Variants in RNF38 observed in about 807,000 individuals in gnomAD.
RNF38 encodes ring finger protein 38.
Under a neutral mutation model 67.2 loss-of-function variants are expected in RNF38, and 15 were observed. The ratio of observed to expected loss-of-function variants is 0.22; its 90% CI spans 0.15 to 0.34. The LOEUF (loss-of-function observed/expected upper bound fraction) is 0.34. Among genes scored for constraint, RNF38 ranks in the 10% least tolerant of loss-of-function variants. The pLI is 1.00. For missense variants in RNF38, 524 were observed against 639.9 expected (o/e 0.82, Z 1.95); for synonymous variants, 220 against 218.8 (o/e 1.01, Z -0.05).
chr9:36,451,236 G>T (rs1839430881), intron 1 of RNF38, among the ~76,000 whole-genome samples: 2 of 152,052 alleles, frequency 1.3e-5, no homozygotes, highest in African/African-American at 4.8e-5. Context: ...GGCCGAGGCA[G>T]GAGGATCACT....
upstream of RNF38, among the ~76,000 whole-genome samples, chr9:36,404,915 G>GT (rs35610341): frequency 0.57 from 86,252 of 150,580 alleles, 25,167 homozygotes; most frequent in Non-Finnish European, 0.65. Context: ...TTGTAGTTTT[G>GT]TTTTTTTTTA....
At chr9:36,364,186 A>C (rs1049165257) in intron 4 of RNF38, among the ~76,000 whole-genome samples, 1 of 152,074 alleles carries the variant, frequency 6.6e-6, no homozygotes, top group Admixed American at 6.6e-5. Flanking sequence ...CAGAGACAGC[A>C]AAACCAACTC....
chr9:36,350,835 T>C (rs1472314215), intron 9 of RNF38, among the ~76,000 whole-genome samples: 2 of 152,356 alleles, frequency 1.3e-5, no homozygotes, highest in East Asian at 3.9e-4. Context: ...ATCAAGCTTG[T>C]TGAACACATG....
At chr9:36,355,111 C>T (rs1236614575) in intron 6 of RNF38, among the ~76,000 whole-genome samples, 2 of 152,198 alleles carry the variant, frequency 1.3e-5, no homozygotes, top group Non-Finnish European at 2.9e-5. Context: ...GCAATTCTAC[C>T]TCTTCTGATG....
rs1838595811 is a variant in RNF38, at chr9:36,420,532, C to CCAAAAAAAAAAAA, written n.312+4080_312+4081insTTTTTTTTTTTTG. On this transcript the variant is annotated intron_variant and non_coding_transcript_variant, in intron 2 of 3. Coordinates refer to the RNF38 transcript ENST00000488058. ...GGGCAACAGAGCAAGACTCTGTCTC[C>CCAAAAAAAAAAAA]AAAAAAAAAAAAAAAGAGGACAACC... Among the ~76,000 whole-genome samples the CCAAAAAAAAAAAA allele has an allele frequency of 2.7e-5, 2 of 73,408 alleles. 1 individual carries two copies. Among genetic ancestry groups the CCAAAAAAAAAAAA allele is most frequent in the Non-Finnish European group, 6.4e-5 (2 of 31,196 alleles). 48.2% of individuals were successfully genotyped at this position (73,408 alleles called of 152,430 possible).
intron 1 of RNF38, among the ~76,000 whole-genome samples, chr9:36,460,833 G>C (rs1373474088): frequency 6.9e-6 from 1 of 145,428 alleles, no homozygotes. Context: ...GTTGCAGCGA[G>C]CCGAGATTGC....
intron 3 of RNF38, among the ~76,000 whole-genome samples, chr9:36,374,174 G>A (rs988354530): frequency 6.6e-6 from 1 of 152,138 alleles, no homozygotes; most frequent in Non-Finnish European, 1.5e-5. Context: ...TGGTTAATAA[G>A]GTACTGGGTA....
At chr9:36,344,749 C>T in intron 10 of RNF38, 83 bp downstream of exon 10, 1 of 1,388,226 alleles carries the variant, frequency 7.2e-7, no homozygotes, top group Non-Finnish European at 9.9e-7. Context: ...CCTCTCCCAA[C>T]TTTTACCTTA....
intron 1 of RNF38, among the ~76,000 whole-genome samples, chr9:36,452,859 T>C (rs1839489989): frequency 6.6e-6 from 1 of 152,200 alleles, no homozygotes; most frequent in Non-Finnish European, 1.5e-5. Flanking sequence ...TTATGAATAA[T>C]ATGCCATTGT....
rs370010971 is a variant in RNF38 at position 36,457,921 on chromosome 9, T to G, written n.241+29387A>C. On this transcript the variant is annotated intron_variant and non_coding_transcript_variant, in intron 1 of 3. Coordinates refer to the RNF38 transcript ENST00000488058. ...CTGTACACAAAATTCAGAATGTATG[T>G]GCATTTGTGCATGTGTTAGGTTGAG... Among the ~76,000 whole-genome samples, 113 of 152,312 alleles carry G rather than the reference T, an allele frequency of 7.4e-4. 2 individuals carry two copies. In the South Asian group the frequency reaches 0.022, roughly 30 times the overall value.
chr9:36,469,029 T>C (rs1839932111), intron 1 of RNF38, among the ~76,000 whole-genome samples: 1 of 152,084 alleles, frequency 6.6e-6, no homozygotes, highest in Non-Finnish European at 1.5e-5. Flanking sequence ...GAAGAATTGC[T>C]TGAACCCAGG....
intron 1 of RNF38, among the ~76,000 whole-genome samples, chr9:36,485,311 T>TATATATATATATATATATATAC (rs960400403): frequency 6.6e-6 from 1 of 151,970 alleles, no homozygotes; most frequent in African/African-American, 2.4e-5. Context: ...AGGGTATATA[T>TATATATATATATATATATATAC]ACACACACAC....
chr9:36,408,226 G>C (rs1259506041), intron 2 of RNF38, among the ~76,000 whole-genome samples: 1 of 151,436 alleles, frequency 6.6e-6, no homozygotes, highest in Non-Finnish European at 1.5e-5. Flanking sequence ...TCAGTGCTGA[G>C]TAGCTGGGAC....
intron 1 of RNF38, among the ~76,000 whole-genome samples, chr9:36,458,863 A>G (rs759429714): frequency 6.6e-6 from 1 of 152,164 alleles, no homozygotes; most frequent in Non-Finnish European, 1.5e-5. Context: ...TGACCAACAT[A>G]TCGCCACATT....
intron 1 of RNF38, among the ~76,000 whole-genome samples, chr9:36,391,314 A>G (rs1837063675): frequency 6.6e-6 from 1 of 152,168 alleles, no homozygotes. Context: ...AAATTAAAAA[A>G]CAAAAATAAA....
intron 8 of RNF38, 99 bp from the exon 9 acceptor site, chr9:36,351,298 GGTTAGT>G (rs757310508): frequency 3.5e-5 from 26 of 736,460 alleles, no homozygotes; most frequent in African/African-American, 1.6e-4. Context: ...GATGAAGAAT[GGTTAGT>G]GTTAATCTGA....
At chr9:36,452,034 T>C (rs1341420223) in intron 1 of RNF38, among the ~76,000 whole-genome samples, 1 of 151,876 alleles carries the variant, frequency 6.6e-6, no homozygotes, top group Non-Finnish European at 1.5e-5. Flanking sequence ...CTGGGCCACA[T>C]AGTGAGATCC....
chr9:36,451,806 A>AT (rs1223938899), intron 1 of RNF38, among the ~76,000 whole-genome samples: 3 of 151,708 alleles, frequency 2.0e-5, no homozygotes, highest in African/African-American at 7.3e-5. Flanking sequence ...GGCTTGCAGT[A>AT]TTTTTTTAAT....
At chr9:36,377,429 AT>A (rs1283122056) in intron 2 of RNF38, among the ~76,000 whole-genome samples, 1 of 152,248 alleles carries the variant, frequency 6.6e-6, no homozygotes, top group Non-Finnish European at 1.5e-5. Flanking sequence ...AATGAAGCAA[AT>A]TGGTAAATGG....
Sources: allele counts gnomAD v4.1 joint callset (sites outside exome capture counted in the v4.1 genomes callset), GRCh38; gene constraint gnomAD v4.1.1; transcripts MANE v1.5; gene names NCBI Gene and HGNC (gene_info 2026-07-23, HGNC 2026-07-21).